Variants in ADGRL2 observed in about 807,000 individuals in gnomAD.
ADGRL2 encodes adhesion G protein-coupled receptor L2, also known as calcium-independent alpha-latrotoxin receptor 2.
Under a neutral mutation model 157.4 loss-of-function variants are expected in ADGRL2, and 44 were observed. The observed-to-expected ratio is 0.28, with a 90% CI of 0.22 to 0.36. The LOEUF (loss-of-function observed/expected upper bound fraction) is 0.36. ADGRL2 is among the 10% of genes least tolerant of loss of function. The pLI is 1.00. For missense variants in ADGRL2, 1,510 were observed against 1,768.9 expected, an observed-to-expected ratio of 0.85 and a Z score of 2.63; for synonymous variants, 585 against 624.7, an observed-to-expected ratio of 0.94 and a Z score of 0.95.
chr1:81,877,504 G>A (rs2093871239), intron 2 of ADGRL2, among the ~76,000 whole-genome samples: 1 of 152,076 alleles, frequency 6.6e-6, no homozygotes, highest in Non-Finnish European at 1.5e-5. Flanking sequence ...AATTGTTTCA[G>A]TATTTTAATG....
intron 11 of ADGRL2, among the ~76,000 whole-genome samples, chr1:81,965,693 T>C (rs1355752163): frequency 2.0e-5 from 3 of 152,186 alleles, no homozygotes; most frequent in Non-Finnish European, 4.4e-5. Flanking sequence ...AAAATATCAG[T>C]TTGAAATATT....
chr1:81,353,380 T>C (rs923940504), intron 1 of ADGRL2, among the ~76,000 whole-genome samples: 1 of 152,156 alleles, frequency 6.6e-6, no homozygotes, highest in East Asian at 1.9e-4. Flanking sequence ...AAGGATAGAA[T>C]GATAAGAAAC....
chr1:81,412,811 C>T (rs1043039849), intron 1 of ADGRL2, among the ~76,000 whole-genome samples: 4 of 152,218 alleles, frequency 2.6e-5, no homozygotes, highest in African/African-American at 9.6e-5. Context: ...ACATAGGAAA[C>T]ATATGAGTCA....
At chr1:81,502,347 C>T (rs1438885314) in intron 2 of ADGRL2, 7 of 1,613,966 alleles carry the variant, frequency 4.3e-6, no homozygotes, top group Admixed American at 1.7e-5. Context: ...GGTGGTTTGG[C>T]CTGGAGTGAT....
chr1:81,732,816 A>C (rs1184274251), intron 1 of ADGRL2, among the ~76,000 whole-genome samples: 1 of 152,102 alleles, frequency 6.6e-6, no homozygotes, highest in Non-Finnish European at 1.5e-5. Context: ...ATGTCTTAAG[A>C]CTTTTATTTG....
Position 81,347,650 on chromosome 1 carries a change from G to A in ADGRL2, c.-302+41141G>A, listed in dbSNP as rs112961015. On this transcript the variant is annotated intron_variant, in intron 1 of 24. Coordinates refer to the ADGRL2 transcript ENST00000370721. Reference sequence around the variant, plus strand: ...GAAGAAGGAATTGTTAATCAAAAAGGAATCAGAACTTGGATATTTAGAAAA... The same window carrying A: ...GAAGAAGGAATTGTTAATCAAAAAGAAATCAGAACTTGGATATTTAGAAAA... 5.7e-3 allele frequency among the ~76,000 whole-genome samples: 862 copies of A among 152,230 alleles called. 10 individuals are homozygous for A. Among genetic ancestry groups the A allele is most frequent in the African/African-American group, 0.02 (810 of 41,520 alleles).
intron 2 of ADGRL2, among the ~76,000 whole-genome samples, chr1:81,791,465 T>C (rs2087342395): frequency 6.6e-6 from 1 of 152,194 alleles, no homozygotes; most frequent in Admixed American, 6.5e-5. Context: ...GATACCATTA[T>C]GTGTGAAATT....
chr1:81,993,087 A>ATTTTTTTTTTTTTT lies in ADGRL2; in HGVS notation c.*1961_*1974dup, dbSNP rs71085382. Among the ~76,000 whole-genome samples the ATTTTTTTTTTTTTT allele has an allele frequency of 3.4e-5, 1 of 29,198 alleles. No individual in the cohort carries two copies. The highest frequency in any genetic ancestry group is 5.5e-5 in the Non-Finnish European group (1 of 18,338). 19.2% of individuals were successfully genotyped at this position (29,198 alleles called of 152,430 possible). ...TATATATATATATATATATATATAT[A>ATTTTTTTTTTTTTT]TTTTTTTTTTTTTTTTTTTTTTTTT... On this transcript the variant is annotated 3_prime_UTR_variant, in exon 24 of 24. Transcript: ENST00000686636.
intron 2 of ADGRL2, among the ~76,000 whole-genome samples, chr1:81,885,658 A>G (rs1250161461): frequency 6.6e-6 from 1 of 152,208 alleles, no homozygotes; most frequent in East Asian, 1.9e-4. Flanking sequence ...ATGCATGATA[A>G]GGCTTGGTGT....
chr1:81,481,110 A>C (rs2147879501), intron 2 of ADGRL2, among the ~76,000 whole-genome samples: 1 of 152,306 alleles, frequency 6.6e-6, no homozygotes, highest in East Asian at 1.9e-4. Flanking sequence ...TTTTTCCATG[A>C]TTTCCATCAG....
At chr1:81,666,288 G>A (rs771585178) in intron 3 of ADGRL2, among the ~76,000 whole-genome samples, 12 of 152,244 alleles carry the variant, frequency 7.9e-5, no homozygotes, top group East Asian at 3.9e-4. Context: ...ATAAAGGTTC[G>A]TCAACTCCAA....
chr1:81,459,778 ATG>A (rs993551647), intron 2 of ADGRL2, among the ~76,000 whole-genome samples: 61 of 71,730 alleles, frequency 8.5e-4, no homozygotes, highest in African/African-American at 2.2e-3. Flanking sequence ...TAGTGTGTGT[ATG>A]TGTGTGTGTA....
At chr1:81,972,160 T>C (rs1344099397) in intron 17 of ADGRL2, among the ~76,000 whole-genome samples, 1 of 152,130 alleles carries the variant, frequency 6.6e-6, no homozygotes, top group Non-Finnish European at 1.5e-5. Context: ...ACATATCACA[T>C]CATAATCTAA....
intron 3 of ADGRL2, among the ~76,000 whole-genome samples, chr1:81,643,525 T>C (rs1282338148): frequency 1.3e-4 from 20 of 152,092 alleles, no homozygotes; most frequent in Non-Finnish European, 1.5e-5. Context: ...CCCAGGCTGG[T>C]CTTAAGCCCC....
intron 1 of ADGRL2, among the ~76,000 whole-genome samples, chr1:81,717,399 A>T (rs2084156052): frequency 6.6e-6 from 1 of 152,220 alleles, no homozygotes; most frequent in African/African-American, 2.4e-5. Flanking sequence ...AAATTCATCT[A>T]TCAGTGAGAC....
chr1:81,758,814 A>G (rs1204558740), intron 1 of ADGRL2, among the ~76,000 whole-genome samples: 1 of 152,206 alleles, frequency 6.6e-6, no homozygotes, highest in Non-Finnish European at 1.5e-5. Flanking sequence ...GCTGGAATCC[A>G]ATTCTCAGGA....
chr1:81,596,331 T>C (rs1274175069), intron 3 of ADGRL2: 2 of 546,054 alleles, frequency 3.7e-6, no homozygotes, highest in Non-Finnish European at 7.1e-6. Flanking sequence ...TCTCAAACTC[T>C]TGGTAGGCAT....
At chr1:81,714,459 T>C (rs1324736779) in intron 1 of ADGRL2, among the ~76,000 whole-genome samples, 1 of 152,186 alleles carries the variant, frequency 6.6e-6, no homozygotes, top group Non-Finnish European at 1.5e-5. Context: ...AGCAATCTTT[T>C]ATAGTATGGG....
intron 1 of ADGRL2, among the ~76,000 whole-genome samples, chr1:81,367,606 C>T (rs1455239403): frequency 6.6e-6 from 1 of 152,074 alleles, no homozygotes; most frequent in Non-Finnish European, 1.5e-5. Flanking sequence ...ATTGCCCAGG[C>T]TGGAGCGCAA....
Sources: gnomAD v4.1 joint callset for allele counts (sites outside exome capture counted in the v4.1 genomes callset) on GRCh38, gnomAD v4.1.1 for gene constraint, MANE v1.5 for transcripts, NCBI Gene and HGNC (gene_info 2026-07-23, HGNC 2026-07-21) for gene names.